Variants in IL12RB2 observed in about 807,000 individuals in gnomAD.
IL12RB2 encodes the protein interleukin-12 receptor subunit beta-2.
IL12RB2 carries 82 observed loss-of-function variants against 89.4 expected under a neutral mutation model. The observed-to-expected ratio is 0.92, with a 90% CI of 0.77 to 1.10. IL12RB2 has a LOEUF of 1.10. Among genes scored for constraint, IL12RB2 ranks in the 50% least tolerant of loss-of-function variants. The pLI, the probability that IL12RB2 is intolerant of heterozygous loss-of-function variation, is 0.00. For synonymous variants in IL12RB2, 368 were observed against 370.1 expected (o/e 0.99, Z 0.07); for missense variants, 963 against 1,031.9 (o/e 0.93, Z 0.92).
intron 8 of IL12RB2, among the ~76,000 whole-genome samples, chr1:67,333,389 C>CTT (rs546599054): frequency 1.1e-4 from 14 of 124,036 alleles, no homozygotes; most frequent in African/African-American, 1.5e-4. Context: ...TAATAGTAAG[C>CTT]TTTTTTTTTT....
chr1:67,328,442 A>G, intron 6 of IL12RB2, 58 bp downstream of exon 6: 1 of 1,608,844 alleles, frequency 6.2e-7, no homozygotes, highest in South Asian at 1.1e-5. Flanking sequence ...AATCACTCAA[A>G]TCTTTTTTAT....
At position 67,397,932 on chromosome 1, in the gene IL12RB2, G is replaced by A. The variant is rs192837263; in HGVS notation, c.*1843G>A. On this transcript the variant is annotated 3_prime_UTR_variant, in exon 17 of 17. Transcript: ENST00000674203. The stretch of plus-strand genomic sequence containing the variant: ...CAGTCCTGTAGAAATAACTGTTCTC[G>A]GGCTTTAGGTTTTCCAGATTTCCCT... Among the ~76,000 whole-genome samples, 30 of 152,078 alleles carry A rather than the reference G, an allele frequency of 2.0e-4. No individual in the cohort carries two copies. The highest frequency in any genetic ancestry group is 6.6e-4 in the Admixed American group (10 of 15,258).
At chr1:67,356,274 G>C (rs1206899011) in intron 10 of IL12RB2, among the ~76,000 whole-genome samples, 1 of 152,162 alleles carries the variant, frequency 6.6e-6, no homozygotes. Flanking sequence ...TGATGAAGCG[G>C]GGAGGACCAA....
intron 15 of IL12RB2, 137 bp from the exon 16 acceptor site, chr1:67,389,892 C>T (rs1240203974): frequency 7.4e-6 from 5 of 673,560 alleles, no homozygotes; most frequent in South Asian, 6.1e-5. Flanking sequence ...GATGATAAAT[C>T]ATCTTTGTCT....
At chr1:67,378,188 A>G (rs1029105448) in intron 13 of IL12RB2, among the ~76,000 whole-genome samples, 9 of 152,172 alleles carry the variant, frequency 5.9e-5, no homozygotes, top group Non-Finnish European at 1.3e-4. Flanking sequence ...TTTAGTTGAC[A>G]CAGGCTACTT....
chr1:67,335,755 C>T (rs935590113), intron 8 of IL12RB2, among the ~76,000 whole-genome samples: 2 of 152,044 alleles, frequency 1.3e-5, no homozygotes, highest in Admixed American at 6.5e-5. Context: ...CCTATTAGCC[C>T]TTGTGTTGCT....
intron 15 of IL12RB2, among the ~76,000 whole-genome samples, chr1:67,388,502 C>T (rs1337708339): frequency 1.3e-5 from 2 of 152,080 alleles, no homozygotes; most frequent in Admixed American, 1.3e-4. Flanking sequence ...CCCGCCACCA[C>T]GCCCAGCTAC....
At position 67,351,058 on chromosome 1, in the gene IL12RB2, T is replaced by A; in HGVS notation, c.1227T>A (p.Thr409=). 1 of 1,613,458 alleles carries A rather than the reference T, an allele frequency of 6.2e-7. No homozygotes were observed. The highest frequency in any genetic ancestry group is 2.2e-5 in the East Asian group (1 of 44,890). ...ATTCAAAAGGCAGTTCTCTGCCCAC[T>A]CGTATTAACATAATGAACCTGTGTG... is the stretch of plus-strand genomic sequence containing the variant. ...AANSKGSSLP[T]RINIMNLCEA... is the part of the protein sequence containing the mutation. Residue 409 remains threonine, a synonymous_variant, in exon 10 of 17, where the codon ACT becomes ACA. Transcript: ENST00000674203.
intron 8 of IL12RB2, among the ~76,000 whole-genome samples, chr1:67,331,442 G>C (rs1328679680): frequency 6.6e-6 from 1 of 152,178 alleles, no homozygotes; most frequent in Non-Finnish European, 1.5e-5. Flanking sequence ...TGTTATTGAA[G>C]TATAAGAAAA....
intron 9 of IL12RB2, among the ~76,000 whole-genome samples, chr1:67,342,597 G>A (rs1313820979): frequency 2.0e-5 from 3 of 151,984 alleles, no homozygotes; most frequent in Admixed American, 1.3e-4. Context: ...GTGAGTGTGT[G>A]TGTATGTATG....
chr1:67,386,099 C>A (rs1665104034), intron 14 of IL12RB2, among the ~76,000 whole-genome samples: 1 of 149,252 alleles, frequency 6.7e-6, no homozygotes, highest in Non-Finnish European at 1.5e-5. Context: ...GTCCCAGCTG[C>A]TCGGGAGGCT....
At chr1:67,366,952 T>C (rs1232007896) in intron 10 of IL12RB2, among the ~76,000 whole-genome samples, 2 of 152,200 alleles carry the variant, frequency 1.3e-5, no homozygotes, top group Non-Finnish European at 2.9e-5. Context: ...TATCTCCCAA[T>C]ACATTTCATG....
At chr1:67,326,478 T>C (rs1401645339) in intron 4 of IL12RB2, among the ~76,000 whole-genome samples, 1 of 152,108 alleles carries the variant, frequency 6.6e-6, no homozygotes, top group Non-Finnish European at 1.5e-5. Flanking sequence ...TGCTACGCTG[T>C]CTAATTCAGA....
At chr1:67,364,869 C>T (rs1662504253) in intron 10 of IL12RB2, among the ~76,000 whole-genome samples, 1 of 152,182 alleles carries the variant, frequency 6.6e-6, no homozygotes, top group Non-Finnish European at 1.5e-5. Context: ...TCTTCTCATG[C>T]TCATATGGAA....
chr1:67,315,191 T>C (rs145359036), intron 2 of IL12RB2, among the ~76,000 whole-genome samples: 24 of 152,218 alleles, frequency 1.6e-4, no homozygotes, highest in African/African-American at 5.8e-4. Flanking sequence ...TAAATATGTA[T>C]GTTTATATAA....
chr1:67,393,307 A>G lies in IL12RB2; in HGVS notation c.2047-2240A>G, dbSNP rs533140853. On this transcript the variant is annotated intron_variant, in intron 16 of 16. Transcript: ENST00000674203. ...AGTGTTATCTAGCTTGTAAAAGCTT[A>G]AAATAGTGTCCATGAGGTTCCTGAA... 3.9e-5 allele frequency among the ~76,000 whole-genome samples: 6 copies of G among 152,334 alleles called. No homozygotes were observed. The South Asian group carries it at 1.2e-3, about 32-fold the overall frequency.
intron 2 of IL12RB2, among the ~76,000 whole-genome samples, chr1:67,316,975 C>T (rs557298481): frequency 4.2e-4 from 64 of 152,188 alleles, no homozygotes; most frequent in South Asian, 3.3e-3. Flanking sequence ...TGTTCTTTAC[C>T]GTATCCCAAG....
At chr1:67,376,608 A>G (rs766598368) in intron 13 of IL12RB2, among the ~76,000 whole-genome samples, 1 of 152,162 alleles carries the variant, frequency 6.6e-6, no homozygotes, top group Non-Finnish European at 1.5e-5. Context: ...TCTTTCTTCT[A>G]TTCAGCCTAT....
At chr1:67,386,866 T>C (rs1391355246) in intron 15 of IL12RB2, among the ~76,000 whole-genome samples, 197 bp downstream of exon 15, 2 of 118,416 alleles carry the variant, frequency 1.7e-5, no homozygotes, top group South Asian at 5.5e-4. Flanking sequence ...TAACTAGAAA[T>C]GTATTTTATA....
Sources: allele counts gnomAD v4.1 joint callset (sites outside exome capture counted in the v4.1 genomes callset), GRCh38; gene constraint gnomAD v4.1.1; transcripts MANE v1.5; gene names NCBI Gene and HGNC (gene_info 2026-07-23, HGNC 2026-07-21).